VAV2: variants seen among roughly 807,000 people sequenced by gnomAD.
VAV2 encodes guanine nucleotide exchange factor VAV2.
VAV2 carries 67 observed loss-of-function variants against 132.5 expected under a neutral mutation model. The ratio of observed to expected loss-of-function variants is 0.51; its 90% confidence interval spans 0.42 to 0.62. The LOEUF (loss-of-function observed/expected upper bound fraction) is 0.62, where lower values mean the gene tolerates loss of function less well. VAV2 is among the 20% of genes least tolerant of loss of function. The pLI is 0.00. For missense variants in VAV2, 938 were observed against 1,153.6 expected, an observed-to-expected ratio of 0.81 and a Z score of 2.71; for synonymous variants, 492 against 443.5, an observed-to-expected ratio of 1.11 and a Z score of -1.37.
At chr9:133,956,080 G>C (rs758371320) in intron 1 of VAV2, among the ~76,000 whole-genome samples, 1 of 151,968 alleles carries the variant, frequency 6.6e-6, no homozygotes, top group Non-Finnish European at 1.5e-5. Flanking sequence ...CCCAGGTGAC[G>C]CTGGACAAGT....
chr9:133,914,254 T>C (rs1402808745), intron 2 of VAV2, among the ~76,000 whole-genome samples: 1 of 152,002 alleles, frequency 6.6e-6, no homozygotes, highest in African/African-American at 2.4e-5. Flanking sequence ...AGCCCAGCAA[T>C]CCCGCTCCTG....
chr9:133,808,903 G>A (rs1835255785), intron 7 of VAV2, 137 bp downstream of exon 7: 1 of 751,962 alleles, frequency 1.3e-6, no homozygotes, highest in Non-Finnish European at 2.1e-6. Context: ...GGCAGAGCTG[G>A]GAGGGCCACC....
In VAV2 at chr9:133,804,938, C is replaced by T. The variant is rs920685040; in HGVS notation, c.836+1143G>A. 2.6e-5 allele frequency among the ~76,000 whole-genome samples: 4 copies of T among 152,210 alleles called. No individual in the cohort carries two copies. Among genetic ancestry groups the T allele is most frequent in the African/African-American group, 9.6e-5 (4 of 41,454 alleles). The stretch of plus-strand genomic sequence containing the variant: ...CTCCCTCGTGTCTCCGGGAACCCTC[C>T]AAGCCATGGCCCCTGGAGAGCAGGC... On this transcript the variant is annotated intron_variant, in intron 9 of 29. Transcript: ENST00000371850. The surrounding 1 kb of genome is among the most constrained non-coding windows in gnomAD (Gnocchi z 4.5).
intron 1 of VAV2, among the ~76,000 whole-genome samples, chr9:133,980,885 G>A (rs1265717234): frequency 6.6e-6 from 1 of 150,802 alleles, no homozygotes; most frequent in Non-Finnish European, 1.5e-5. Context: ...CCTCTCTGTA[G>A]AACAACCACC....
At chr9:133,845,542 C>A (rs1431835912) in intron 3 of VAV2, among the ~76,000 whole-genome samples, 3 of 152,118 alleles carry the variant, frequency 2.0e-5, no homozygotes, top group African/African-American at 7.2e-5. Context: ...CCCTCTTCCC[C>A]CTCCCTGCAC....
chr9:133,863,837 G>T lies in VAV2; in HGVS notation c.322-2405C>A, dbSNP rs529772205. ...GGCAGGGGCTGCTGGAGCAGACACC[G>T]GACCCCTGAGATAGCCATGGGGTCA... On this transcript the variant is annotated intron_variant, in intron 2 of 29. Transcript: ENST00000371850. This position sits in a 1 kb window ranked among gnomAD's most constrained non-coding sequence, Gnocchi z 5.0. Among the ~76,000 whole-genome samples, 1 of 152,154 alleles carries T rather than the reference G, an allele frequency of 6.6e-6. No individual in the cohort carries two copies. Among genetic ancestry groups the T allele is most frequent in the African/African-American group, 2.4e-5 (1 of 41,440 alleles).
At chr9:133,965,494 CAA>C (rs148320930) in intron 1 of VAV2, among the ~76,000 whole-genome samples, 3 of 122,784 alleles carry the variant, frequency 2.4e-5, no homozygotes, top group Non-Finnish European at 3.3e-5. Flanking sequence ...GCGAGACTGT[CAA>C]AAAAAAAAAA....
intron 1 of VAV2, among the ~76,000 whole-genome samples, chr9:133,976,627 C>CA (rs1842521296): frequency 1.3e-5 from 2 of 152,342 alleles, no homozygotes; most frequent in East Asian, 1.9e-4. Context: ...AACAGACCCC[C>CA]AAGCCCCTGA....
intron 1 of VAV2, among the ~76,000 whole-genome samples, chr9:133,976,621 G>A (rs1842520851): frequency 6.6e-6 from 1 of 152,186 alleles, no homozygotes. Flanking sequence ...CTGGCAAACA[G>A]ACCCCCAAGC....
chr9:133,791,683 T>G, intron 13 of VAV2, 100 bp downstream of exon 13: 1 of 1,038,386 alleles, frequency 9.6e-7, no homozygotes. Context: ...AGCCATGGTG[T>G]GGCTGCCCAT....
intron 1 of VAV2, among the ~76,000 whole-genome samples, chr9:133,939,982 T>C (rs1841077295): frequency 6.6e-6 from 1 of 152,220 alleles, no homozygotes; most frequent in Non-Finnish European, 1.5e-5. Context: ...GCGGAAGGCT[T>C]GGCTGGGGCG....
rs755459386 is a variant in VAV2 at position 133,796,526 on chromosome 9, T to C, written c.937-2A>G. On this transcript the variant is annotated splice_acceptor_variant, in intron 10 of 29. Transcript: ENST00000371850. LOFTEE classifies it high-confidence loss of function. ...ATCCTGGACCTTCAGTGTGCACTCCTGGGAGGGCGACAGGGCGATGGGAGA... is the reference window on the plus strand; with the variant it reads ...ATCCTGGACCTTCAGTGTGCACTCCCGGGAGGGCGACAGGGCGATGGGAGA... 1 of 1,612,674 alleles carries C rather than the reference T, an allele frequency of 6.2e-7. No homozygotes were observed. The highest frequency in any genetic ancestry group is 8.5e-7 in the Non-Finnish European group (1 of 1,179,478).
At chr9:133,939,505 A>G (rs565128387) in intron 1 of VAV2, among the ~76,000 whole-genome samples, 1 of 152,288 alleles carries the variant, frequency 6.6e-6, no homozygotes, top group Non-Finnish European at 1.5e-5. Flanking sequence ...ACATAGCTGC[A>G]AAACCCCCAA....
chr9:133,775,477 C>T (rs1445240431), intron 24 of VAV2, among the ~76,000 whole-genome samples: 2 of 152,134 alleles, frequency 1.3e-5, no homozygotes, highest in Non-Finnish European at 2.9e-5. Context: ...TTTTTGGTAA[C>T]ACATTGGAGA....
intron 3 of VAV2, among the ~76,000 whole-genome samples, chr9:133,842,284 C>A (rs1443709627): frequency 6.6e-6 from 1 of 152,236 alleles, no homozygotes; most frequent in Non-Finnish European, 1.5e-5. Flanking sequence ...AGGCCCCGCA[C>A]GGTGACTGCC....
At chr9:133,805,684 T>G (rs1470152945) in intron 9 of VAV2, among the ~76,000 whole-genome samples, 1 of 152,046 alleles carries the variant, frequency 6.6e-6, no homozygotes, top group East Asian at 1.9e-4. Context: ...TGGGCATCAT[T>G]TAAGCTCCAC....
At chr9:133,904,734 C>CT (rs1314504883) in intron 2 of VAV2, among the ~76,000 whole-genome samples, 1 of 152,284 alleles carries the variant, frequency 6.6e-6, no homozygotes, top group Non-Finnish European at 1.5e-5. Flanking sequence ...CAATGCACCA[C>CT]TACTGTCCAA....
At chr9:133,943,299 TTGCTGCAGG>T in intron 1 of VAV2, among the ~76,000 whole-genome samples, 1 of 152,136 alleles carries the variant, frequency 6.6e-6, no homozygotes, top group Non-Finnish European at 1.5e-5. Context: ...AAGGCTGAGG[TTGCTGCAGG>T]TGCATCATGG....
At chr9:133,880,908 T>A (rs1838465681) in intron 2 of VAV2, among the ~76,000 whole-genome samples, 3 of 152,220 alleles carry the variant, frequency 2.0e-5, no homozygotes. Flanking sequence ...TGGCTCAGGA[T>A]GGAGGCAGGT....
Sources: allele counts gnomAD v4.1 joint callset (sites outside exome capture counted in the v4.1 genomes callset), GRCh38; gene constraint gnomAD v4.1.1; non-coding constraint Gnocchi (gnomAD v3.1); transcripts MANE v1.5; gene names NCBI Gene and HGNC (gene_info 2026-07-23, HGNC 2026-07-21).